Variants in TPRG1 observed in about 807,000 individuals in gnomAD.
TPRG1 encodes the protein tumor protein p63 regulated 1.
Under a neutral mutation model 29.3 loss-of-function variants are expected in TPRG1, and 29 were observed. The ratio of observed to expected loss-of-function variants is 0.99; its 90% CI spans 0.74 to 1.35. The LOEUF (loss-of-function observed/expected upper bound fraction) is 1.35, where lower values mean the gene tolerates loss of function less well. Ranked by LOEUF, TPRG1 falls within the 40% of genes most tolerant of loss-of-function variation. The probability of loss-of-function intolerance (pLI) is 0.00; values close to 1 mark genes in which losing one functional copy is unlikely to be tolerated. For missense variants in TPRG1, 327 were observed against 335.0 expected (o/e 0.98, Z 0.19); for synonymous variants, 130 against 116.8 (o/e 1.11, Z -0.73).
chr3:189,277,613 C>CA lies in TPRG1; in HGVS notation c.480-32770dup, dbSNP rs757374879. Reference sequence around the variant, plus strand: ...GTATACAGAATAGAGAAGATTAAATCAAAGTTTAACGTCTTGAAGTGCTGA... The same window carrying CA: ...GTATACAGAATAGAGAAGATTAAATCAAAAGTTTAACGTCTTGAAGTGCTGA... On this transcript the variant is annotated intron_variant, in intron 4 of 5. Transcript: ENST00000345063. 1.8e-4 allele frequency among the ~76,000 whole-genome samples: 27 copies of CA among 152,166 alleles called. No homozygotes were observed. The East Asian group carries it at 5.2e-3, about 29-fold the overall frequency.
intron 4 of TPRG1, among the ~76,000 whole-genome samples, chr3:189,035,154 T>C (rs974848419): frequency 3.9e-5 from 6 of 152,118 alleles, no homozygotes. Context: ...CCATATGATA[T>C]TTGACAAAGT....
chr3:189,105,009 CTT>C (rs944912060), intron 1 of TPRG1, among the ~76,000 whole-genome samples: 1 of 152,130 alleles, frequency 6.6e-6, no homozygotes, highest in African/African-American at 2.4e-5. Flanking sequence ...TAACCAAACT[CTT>C]TCTTCTAAAC....
At chr3:189,140,646 GT>G (rs1724424228) in intron 3 of TPRG1, among the ~76,000 whole-genome samples, 2 of 152,096 alleles carry the variant, frequency 1.3e-5, no homozygotes, top group South Asian at 4.1e-4. Context: ...CTGTTAAATG[GT>G]TTTTTCTTAT....
intron 4 of TPRG1, among the ~76,000 whole-genome samples, chr3:189,069,398 A>T (rs988522029): frequency 2.0e-5 from 3 of 152,138 alleles, no homozygotes; most frequent in African/African-American, 7.2e-5. Context: ...AACATGAGAG[A>T]TTCTTTCGGT....
chr3:189,199,879 CA>C (rs368954763), intron 1 of TPRG1, among the ~76,000 whole-genome samples: 2 of 151,476 alleles, frequency 1.3e-5, no homozygotes, highest in Non-Finnish European at 1.5e-5. Flanking sequence ...GACTCCATCT[CA>C]AAAAAAACCA....
chr3:189,164,744 T>G (rs2108641606), intron 5 of TPRG1, among the ~76,000 whole-genome samples: 1 of 152,150 alleles, frequency 6.6e-6, no homozygotes, highest in East Asian at 1.9e-4. Flanking sequence ...AAAATCAGGT[T>G]GTGATATTTG....
chr3:189,129,926 A>G (rs971626266), intron 2 of TPRG1, among the ~76,000 whole-genome samples: 1 of 152,202 alleles, frequency 6.6e-6, no homozygotes, highest in Non-Finnish European at 1.5e-5. Flanking sequence ...GGAAAGAGAA[A>G]TGCACAAAAA....
intron 3 of TPRG1, among the ~76,000 whole-genome samples, chr3:189,135,075 T>C (rs1468134609): frequency 6.6e-6 from 1 of 152,212 alleles, no homozygotes; most frequent in Non-Finnish European, 1.5e-5. Context: ...GATGTTGAGC[T>C]CTTCTTTGCG....
intron 1 of TPRG1, among the ~76,000 whole-genome samples, chr3:189,122,963 TA>T (rs1553906881): frequency 6.6e-6 from 1 of 152,224 alleles, no homozygotes; most frequent in Non-Finnish European, 1.5e-5. Flanking sequence ...AGTTTTGTTC[TA>T]AAAACAGGCA....
intron 3 of TPRG1, among the ~76,000 whole-genome samples, chr3:189,229,460 T>A (rs905981584): frequency 3.0e-4 from 46 of 152,298 alleles, no homozygotes; most frequent in Admixed American, 6.5e-5. Flanking sequence ...CTTAAAGAAA[T>A]GATCTGGATG....
chr3:189,283,939 T>C (rs1371715291), intron 4 of TPRG1, among the ~76,000 whole-genome samples: 3 of 152,236 alleles, frequency 2.0e-5, no homozygotes, highest in Non-Finnish European at 4.4e-5. Flanking sequence ...TTTGCCATTT[T>C]TATGTTATTG....
intron 2 of TPRG1, among the ~76,000 whole-genome samples, chr3:189,128,476 T>C (rs1209727403): frequency 6.6e-6 from 1 of 152,212 alleles, no homozygotes; most frequent in Non-Finnish European, 1.5e-5. Flanking sequence ...AAAAAAGTTG[T>C]TTATCTGAAA....
At chr3:189,253,962 A>G (rs1240716739) in intron 4 of TPRG1, among the ~76,000 whole-genome samples, 1 of 151,950 alleles carries the variant, frequency 6.6e-6, no homozygotes, top group African/African-American at 2.4e-5. Flanking sequence ...TTTTCTTGTA[A>G]ATTTGTTTAA....
At chr3:189,296,766 A>T (rs190770122) in intron 4 of TPRG1, among the ~76,000 whole-genome samples, 98 of 152,346 alleles carry the variant, frequency 6.4e-4, no homozygotes, top group Admixed American at 2.0e-3. Flanking sequence ...TAAAATAAAT[A>T]AATGGAGAGT....
chr3:189,124,410 T>C (rs1722188260), intron 1 of TPRG1, among the ~76,000 whole-genome samples: 1 of 152,106 alleles, frequency 6.6e-6, no homozygotes, highest in African/African-American at 2.4e-5. Flanking sequence ...CCCTGGGAGA[T>C]GGGGAAAGTG....
intron 5 of TPRG1, among the ~76,000 whole-genome samples, chr3:189,312,171 T>C (rs192451926): frequency 0.059 from 4,067 of 68,856 alleles, 361 homozygotes; most frequent in East Asian, 0.14. Context: ...CTTTCTTTCT[T>C]TCTTTCTTTC....
At chr3:189,243,990 T>C (rs1174257507) in intron 4 of TPRG1, among the ~76,000 whole-genome samples, 1 of 152,158 alleles carries the variant, frequency 6.6e-6, no homozygotes, top group Admixed American at 6.6e-5. Context: ...CTAAACTCAT[T>C]CAACCTCTGC....
At chr3:189,025,905 T>TA (rs1560401803) in intron 4 of TPRG1, among the ~76,000 whole-genome samples, 1 of 152,242 alleles carries the variant, frequency 6.6e-6, no homozygotes, top group Non-Finnish European at 1.5e-5. Flanking sequence ...CATTCAGAGA[T>TA]ACAGTTCTTC....
chr3:189,086,040 G>A (rs1717913023), intron 4 of TPRG1, among the ~76,000 whole-genome samples: 1 of 152,266 alleles, frequency 6.6e-6, no homozygotes, highest in African/African-American at 2.4e-5. Flanking sequence ...GAGGAGCAAC[G>A]AAGTCAGTCT....
Sources: allele counts gnomAD v4.1 joint callset (sites outside exome capture counted in the v4.1 genomes callset), GRCh38; gene constraint gnomAD v4.1.1; transcripts MANE v1.5; gene names NCBI Gene and HGNC (gene_info 2026-07-23, HGNC 2026-07-21).